ATP6V1E2: variants seen among roughly 807,000 people sequenced by gnomAD.
ATP6V1E2 encodes V-type proton ATPase subunit E 2.
For missense variants in ATP6V1E2, 308 were observed against 273.3 expected, an observed-to-expected ratio of 1.13 and a Z score of -0.90; for synonymous variants, 121 against 104.2, an observed-to-expected ratio of 1.16 and a Z score of -0.98.
rs888402250 is a variant in ATP6V1E2, at chr2:46,530,779, T to C, written c.-102+5034A>G. ...AAGCAAAGGGGAAGCAAGACACGTC[T>C]TACATGGCAGCAGGCAAGAGAAAGC... On this transcript the variant is annotated intron_variant, in intron 4 of 4. Transcript: ENST00000522587. The surrounding 1 kb of genome is among the most constrained non-coding windows in gnomAD (Gnocchi z 5.2). Among the ~76,000 whole-genome samples, 99 of 152,210 alleles carry C rather than the reference T, an allele frequency of 6.5e-4. No individual in the cohort carries two copies. Among genetic ancestry groups the C allele is most frequent in the African/African-American group, 2.4e-3 (98 of 41,450 alleles).
chr2:46,540,554 G>A (rs1376484220), intron 2 of ATP6V1E2, among the ~76,000 whole-genome samples: 1 of 146,888 alleles, frequency 6.8e-6, no homozygotes. Flanking sequence ...CCTATGGGAC[G>A]CTCAGAAACA....
At chr2:46,522,080 G>C (rs185904545) in intron 4 of ATP6V1E2, among the ~76,000 whole-genome samples, 1 of 152,152 alleles carries the variant, frequency 6.6e-6, no homozygotes, top group Admixed American at 6.5e-5. Context: ...GATTGCTTGA[G>C]CCCAGGAGTT....
At chr2:46,538,997 A>G (rs1374103279) in intron 2 of ATP6V1E2, among the ~76,000 whole-genome samples, 1 of 152,134 alleles carries the variant, frequency 6.6e-6, no homozygotes, top group Non-Finnish European at 1.5e-5. Context: ...AAATTCAGGA[A>G]AGAGTTCTAA....
chr2:46,540,145 A>T (rs961980532), intron 2 of ATP6V1E2, among the ~76,000 whole-genome samples: 5 of 152,186 alleles, frequency 3.3e-5, no homozygotes, highest in Admixed American at 6.5e-5. Context: ...CACTGTTCTC[A>T]GCCAGATGCA....
chr2:46,537,816 A>G (rs868144958), intron 2 of ATP6V1E2, among the ~76,000 whole-genome samples: 2 of 152,144 alleles, frequency 1.3e-5, no homozygotes, highest in Non-Finnish European at 2.9e-5. Context: ...AATGATGCAA[A>G]TGAATGTGTT....
chr2:46,525,473 A>AG, intron 4 of ATP6V1E2, among the ~76,000 whole-genome samples: 1 of 122,202 alleles, frequency 8.2e-6, no homozygotes, highest in East Asian at 4.8e-4. Flanking sequence ...AAAAAAAAAA[A>AG]AAAGAAAAAA....
At chr2:46,515,192 A>C (rs1239122676) in intron 4 of ATP6V1E2, among the ~76,000 whole-genome samples, 1 of 152,240 alleles carries the variant, frequency 6.6e-6, no homozygotes, top group East Asian at 1.9e-4. Flanking sequence ...TGTAAAGCTC[A>C]CTAGTAAAGA....
At chr2:46,516,755 T>A (rs1034663687) in intron 4 of ATP6V1E2, among the ~76,000 whole-genome samples, 1 of 151,416 alleles carries the variant, frequency 6.6e-6, no homozygotes, top group Non-Finnish European at 1.5e-5. Context: ...AAAAAAACTC[T>A]CAAGTTACCT....
At chr2:46,515,564 G>A (rs557660464) in intron 4 of ATP6V1E2, among the ~76,000 whole-genome samples, 3 of 152,068 alleles carry the variant, frequency 2.0e-5, no homozygotes, top group South Asian at 4.1e-4. Flanking sequence ...GGGCAGGTAT[G>A]GGGGAGTCAA....
At chr2:46,525,524 C>G (rs1328556157) in intron 4 of ATP6V1E2, among the ~76,000 whole-genome samples, 1 of 149,312 alleles carries the variant, frequency 6.7e-6, no homozygotes, top group East Asian at 2.0e-4. Context: ...CCCTGGCGAG[C>G]AAGCTTGGGA....
chr2:46,520,728 A>G (rs2346416), intron 4 of ATP6V1E2, among the ~76,000 whole-genome samples: 77,568 of 152,016 alleles, frequency 0.51, 20,126 homozygotes, highest in East Asian at 0.82. Context: ...TTTTCCAGTT[A>G]TTTTTGCTTC....
At chr2:46,527,274 T>G (rs1409914317) in intron 4 of ATP6V1E2, among the ~76,000 whole-genome samples, 1 of 152,098 alleles carries the variant, frequency 6.6e-6, no homozygotes, top group East Asian at 1.9e-4. Flanking sequence ...CAGGCTGGAG[T>G]GCAGTGGCGT....
intron 4 of ATP6V1E2, among the ~76,000 whole-genome samples, chr2:46,525,414 A>G (rs529453559): frequency 4.1e-5 from 6 of 145,462 alleles, no homozygotes; most frequent in Admixed American, 1.4e-4. Flanking sequence ...GTGAGCCGAG[A>G]TCGCGCCACA....
intron 2 of ATP6V1E2, among the ~76,000 whole-genome samples, chr2:46,538,821 AGG>A (rs1420188387): frequency 6.6e-6 from 1 of 152,168 alleles, no homozygotes; most frequent in Non-Finnish European, 1.5e-5. Context: ...CAAAATTCTC[AGG>A]CAAGGCTTGG....
rs1002402109 is a variant in ATP6V1E2, at chr2:46,535,872, A to C, written c.-161T>G. 2 of 152,270 alleles carry C rather than the reference A, an allele frequency of 1.3e-5. No homozygotes were observed. Among genetic ancestry groups the C allele is most frequent in the Admixed American group, 1.3e-4 (2 of 15,288 alleles). 9.4% of individuals were successfully genotyped at this position (152,270 alleles called of 1,614,324 possible). On this transcript the variant is annotated 5_prime_UTR_variant, in exon 4 of 5. Transcript: ENST00000522587. The surrounding 1 kb of genome is among the most constrained non-coding windows in gnomAD (Gnocchi z 4.4). Reference sequence around the variant, plus strand: ...CTGATGTCCAGTGGCCAAAACATCCACTATGGAAGAACAACTCTGTGTGAG... The same window carrying C: ...CTGATGTCCAGTGGCCAAAACATCCCCTATGGAAGAACAACTCTGTGTGAG...
intron 4 of ATP6V1E2, among the ~76,000 whole-genome samples, chr2:46,514,479 G>A (rs1316918472): frequency 6.6e-6 from 1 of 151,942 alleles, no homozygotes; most frequent in Non-Finnish European, 1.5e-5. Context: ...TAGAAAATAT[G>A]AAAAAGAACC....
At chr2:46,521,058 A>G (rs1253216477) in intron 4 of ATP6V1E2, among the ~76,000 whole-genome samples, 1 of 152,168 alleles carries the variant, frequency 6.6e-6, no homozygotes, top group African/African-American at 2.4e-5. Context: ...TGGTGATTGT[A>G]TATCTGTGGG....
chr2:46,523,944 C>T (rs982968770), intron 4 of ATP6V1E2, among the ~76,000 whole-genome samples: 5 of 152,244 alleles, frequency 3.3e-5, no homozygotes, highest in Admixed American at 2.0e-4. Context: ...AGAGGTCCTT[C>T]ACATCCCTTG....
intron 4 of ATP6V1E2, among the ~76,000 whole-genome samples, chr2:46,531,694 C>T (rs929779217): frequency 2.0e-5 from 3 of 152,158 alleles, no homozygotes; most frequent in African/African-American, 7.2e-5. Flanking sequence ...ACTTATTTTC[C>T]TTCCCCCACC....
Sources: gnomAD v4.1 joint callset for allele counts (sites outside exome capture counted in the v4.1 genomes callset) on GRCh38, gnomAD v4.1.1 for gene constraint, Gnocchi (gnomAD v3.1) non-coding constraint, MANE v1.5 for transcripts, NCBI Gene and HGNC (gene_info 2026-07-23, HGNC 2026-07-21) for gene names.